PRPF18: variants seen among roughly 807,000 people sequenced by gnomAD.
PRPF18 encodes pre-mRNA processing factor 18.
Under a neutral mutation model 46.5 loss-of-function variants are expected in PRPF18, and 38 were observed. The observed-to-expected ratio is 0.82, with a 90% confidence interval of 0.63 to 1.07. The LOEUF is 1.07. PRPF18 is among the 50% of genes least tolerant of loss of function. PRPF18 has a pLI of 0.00. For missense variants in PRPF18, 263 were observed against 410.0 expected, an observed-to-expected ratio of 0.64 and a Z score of 3.10; for synonymous variants, 152 against 146.7, an observed-to-expected ratio of 1.04 and a Z score of -0.26.
At chr10:13,622,180 T>G (rs2080429677) in intron 9 of PRPF18, among the ~76,000 whole-genome samples, 1 of 151,960 alleles carries the variant, frequency 6.6e-6, no homozygotes, top group Admixed American at 6.6e-5. Flanking sequence ...AAAGGCAAGT[T>G]GTTGCATGAT....
chr10:13,596,241 T>A (rs2080033539), intron 1 of PRPF18, among the ~76,000 whole-genome samples: 1 of 152,238 alleles, frequency 6.6e-6, no homozygotes, highest in Non-Finnish European at 1.5e-5. Context: ...AATTGCTTCC[T>A]GGCATATTGA....
intron 9 of PRPF18, among the ~76,000 whole-genome samples, chr10:13,624,378 A>G (rs918273776): frequency 1.3e-5 from 2 of 152,236 alleles, no homozygotes; most frequent in East Asian, 3.8e-4. Flanking sequence ...GTCATTACGG[A>G]ACCAAACAGT....
chr10:13,597,386 GT>G, intron 1 of PRPF18, 71 bp from the exon 2 acceptor site: 1 of 1,012,604 alleles, frequency 9.9e-7, no homozygotes, highest in Non-Finnish European at 1.4e-6. Context: ...TTTTCTAAAG[GT>G]ATTTGTTGAC....
At chr10:13,646,431 C>T in the PRPF18 span, 1 of 152,544 alleles carries the variant, frequency 6.6e-6, no homozygotes, top group African/African-American at 2.4e-5. Context: ...TAGCCATCCC[C>T]ACAAGCTGTC....
chr10:13,608,340 G>A (rs1244564580), intron 4 of PRPF18, among the ~76,000 whole-genome samples: 1 of 152,194 alleles, frequency 6.6e-6, no homozygotes, highest in African/African-American at 2.4e-5. Context: ...GTCTCAGTTG[G>A]AATGGCAGGA....
chr10:13,625,025 T>C (rs535351395), intron 9 of PRPF18, among the ~76,000 whole-genome samples: 4 of 152,154 alleles, frequency 2.6e-5, no homozygotes, highest in Non-Finnish European at 5.9e-5. Flanking sequence ...AAAAATTTCA[T>C]TGAGAATGAT....
At chr10:13,652,115 T>C in the PRPF18 span, 5 of 683,300 alleles carry the variant, frequency 7.3e-6, no homozygotes, top group African/African-American at 1.7e-5. Flanking sequence ...CAACAGATCA[T>C]ACAAGTCATG....
intron 9 of PRPF18, among the ~76,000 whole-genome samples, chr10:13,620,404 T>C (rs1004942382): frequency 1.3e-5 from 2 of 152,238 alleles, no homozygotes; most frequent in African/African-American, 2.4e-5. Flanking sequence ...AATAATTATT[T>C]CTTTTTAAAT....
the PRPF18 span, chr10:13,644,382 G>C: frequency 1.3e-5 from 2 of 152,182 alleles, no homozygotes; most frequent in South Asian, 2.1e-4. Context: ...AATCATGTCA[G>C]TCTCAAAGGA....
chr10:13,605,315 A>C (rs57853704), intron 3 of PRPF18, among the ~76,000 whole-genome samples: 1 of 152,214 alleles, frequency 6.6e-6, no homozygotes, highest in African/African-American at 2.4e-5. Context: ...TGGGCACATT[A>C]GCTCACGCCT....
chr10:13,654,379 G>C, the PRPF18 span: 2 of 1,292,668 alleles, frequency 1.5e-6, no homozygotes, highest in Admixed American at 3.4e-5. Context: ...ACACTCTTTC[G>C]AGCTGACACA....
At chr10:13,633,490 T>A (rs140882102), downstream of PRPF18, among the ~76,000 whole-genome samples, 45 of 152,290 alleles carry the variant, frequency 3.0e-4, 1 homozygote, top group East Asian at 8.1e-3. Flanking sequence ...AAAACACCAG[T>A]GTTTCCAAAT....
At chr10:13,625,024 A>G (rs1170584640) in intron 9 of PRPF18, among the ~76,000 whole-genome samples, 1 of 152,210 alleles carries the variant, frequency 6.6e-6, no homozygotes, top group Non-Finnish European at 1.5e-5. Flanking sequence ...AAAAAATTTC[A>G]TTGAGAATGA....
At chr10:13,643,286 G>C in the PRPF18 span, 3 of 152,202 alleles carry the variant, frequency 2.0e-5, no homozygotes, top group Non-Finnish European at 4.4e-5. Flanking sequence ...ATCCCTCAAA[G>C]CCTAGCTTCC....
chr10:13,588,054 G>A (rs895391564), intron 1 of PRPF18, among the ~76,000 whole-genome samples: 1 of 152,064 alleles, frequency 6.6e-6, no homozygotes, highest in African/African-American at 2.4e-5. Flanking sequence ...GGCATTCTGC[G>A]GACGTGCCCC....
At chr10:13,626,378 G>GA (rs1301875940) in intron 9 of PRPF18, among the ~76,000 whole-genome samples, 3 of 152,186 alleles carry the variant, frequency 2.0e-5, no homozygotes, top group Non-Finnish European at 4.4e-5. Context: ...GAATGGATTA[G>GA]AAAAACAAAA....
At chr10:13,611,486 C>A in intron 5 of PRPF18, 129 bp from the exon 6 acceptor site, 1 of 708,660 alleles carries the variant, frequency 1.4e-6, no homozygotes, top group Non-Finnish European at 2.3e-6. Context: ...CTAGAAATTC[C>A]ATCCGATTTT....
chr10:13,651,622 G>A, the PRPF18 span: 29 of 347,106 alleles, frequency 8.4e-5, no homozygotes, highest in African/African-American at 5.7e-4. Flanking sequence ...GCAGTGAGCC[G>A]AGATCATGCC....
chr10:13,619,530 G>T (rs990187887), intron 9 of PRPF18, among the ~76,000 whole-genome samples: 1 of 152,104 alleles, frequency 6.6e-6, no homozygotes, highest in Non-Finnish European at 1.5e-5. Context: ...ATTTTCCCTA[G>T]AGGCCATTGC....
Sources: gnomAD v4.1 joint callset for allele counts (sites outside exome capture counted in the v4.1 genomes callset) on GRCh38, gnomAD v4.1.1 for gene constraint, MANE v1.5 for transcripts, NCBI Gene and HGNC (gene_info 2026-07-23, HGNC 2026-07-21) for gene names.